SNX30: variants seen among roughly 807,000 people sequenced by gnomAD.
SNX30 encodes the protein sorting nexin-30.
SNX30 carries 24 observed loss-of-function variants against 46.4 expected under a neutral mutation model. The observed-to-expected ratio is 0.52, with a 90% CI of 0.37 to 0.73. The LOEUF is 0.73. SNX30 is among the 30% of genes least tolerant of loss of function. SNX30 has a pLI of 0.00. For missense variants in SNX30, 533 were observed against 555.7 expected, an observed-to-expected ratio of 0.96 and a Z score of 0.41; for synonymous variants, 189 against 211.5, an observed-to-expected ratio of 0.89 and a Z score of 0.92.
downstream of SNX30, among the ~76,000 whole-genome samples, chr9:112,876,407 A>G (rs1247825063): frequency 2.0e-5 from 3 of 150,354 alleles, no homozygotes. Context: ...TGAGCCCAAG[A>G]GTTAAAGACC....
intron 1 of SNX30, among the ~76,000 whole-genome samples, chr9:112,792,751 A>G (rs4979154): frequency 0.94 from 143,399 of 152,314 alleles, 67,609 homozygotes; most frequent in East Asian, 1. Context: ...TATATTGTTC[A>G]GATTTCCTAA....
At chr9:112,848,678 C>T (rs1408596242) in intron 6 of SNX30, among the ~76,000 whole-genome samples, 1 of 152,224 alleles carries the variant, frequency 6.6e-6, no homozygotes, top group Non-Finnish European at 1.5e-5. Flanking sequence ...AGTCAGCCTG[C>T]GCCAGAGGGC....
intron 5 of SNX30, among the ~76,000 whole-genome samples, chr9:112,837,769 C>T (rs1840782242): frequency 6.6e-6 from 1 of 150,476 alleles, no homozygotes; most frequent in Non-Finnish European, 1.5e-5. Flanking sequence ...GCCACCGTGC[C>T]TGGCCCCTGA....
intron 1 of SNX30, among the ~76,000 whole-genome samples, chr9:112,753,446 T>C (rs1447485033): frequency 6.6e-6 from 1 of 152,236 alleles, no homozygotes; most frequent in East Asian, 1.9e-4. Flanking sequence ...CGCAGTGGCC[T>C]GATCCTGACT....
intron 1 of SNX30, among the ~76,000 whole-genome samples, chr9:112,785,209 T>G (rs1839903256): frequency 6.6e-6 from 1 of 152,120 alleles, no homozygotes; most frequent in Admixed American, 6.6e-5. Flanking sequence ...TGTATCTATA[T>G]TTTGGGAATG....
Position 112,864,358 on chromosome 9 carries a change from C to CTCATGGGGA in SNX30, c.1215_1223dup (p.Gly407_Met408insIleMetGly). ...CAAGAGGCAGGACTTCCGGCAGCTACTCATGGGGATGGCTGACAAGAACAT... is the reference window on the plus strand; with the variant it reads ...CAAGAGGCAGGACTTCCGGCAGCTACTCATGGGGATCATGGGGATGGCTGACAAGAACAT... On this transcript the variant is annotated inframe_insertion, in exon 8 of 9. Coordinates refer to ENST00000374232, the MANE Select transcript of SNX30 (RefSeq NM_001012994.2). The CTCATGGGGA allele has an allele frequency of 6.2e-7, 1 of 1,614,222 alleles. No homozygotes were observed. The highest frequency in any genetic ancestry group is 1.6e-4 in the Middle Eastern group (1 of 6,062).
intron 1 of SNX30, among the ~76,000 whole-genome samples, chr9:112,790,092 G>C (rs62576395): frequency 0.068 from 10,375 of 152,216 alleles, 456 homozygotes; most frequent in Non-Finnish European, 0.099. Context: ...GAATATTTGA[G>C]ATGGGAATTC....
In SNX30 at chr9:112,874,645, G is replaced by C. The variant is rs1841495573; in HGVS notation, c.*5802G>C. 6.6e-6 allele frequency: 1 copy of C among 152,176 alleles called. No homozygotes were observed. The highest frequency in any genetic ancestry group is 1.5e-5 in the Non-Finnish European group (1 of 68,034). 9.4% of individuals were successfully genotyped at this position (152,176 alleles called of 1,614,324 possible). On this transcript the variant is annotated 3_prime_UTR_variant, in exon 9 of 9. Coordinates refer to ENST00000374232, the MANE Select transcript of SNX30 (RefSeq NM_001012994.2). ...AAAAAAGTGCTTGAGAGAGTGTGTT[G>C]ATAAGAAAGTGATTTATTTACAGAT...
At chr9:112,844,452 G>GGA (rs1170697940) in intron 6 of SNX30, among the ~76,000 whole-genome samples, 1 of 152,164 alleles carries the variant, frequency 6.6e-6, no homozygotes, top group Non-Finnish European at 1.5e-5. Context: ...TGAGACCGAT[G>GGA]GAGATTGTAT....
chr9:112,761,714 C>G (rs1018932066), intron 1 of SNX30, among the ~76,000 whole-genome samples: 5 of 151,976 alleles, frequency 3.3e-5, no homozygotes, highest in Admixed American at 1.3e-4. Context: ...AGCACATGTG[C>G]GAGTGAAGTG....
At chr9:112,750,635 C>T (rs1839248466), upstream of SNX30, among the ~76,000 whole-genome samples, 1 of 151,716 alleles carries the variant, frequency 6.6e-6, no homozygotes, top group South Asian at 2.1e-4. Context: ...CTCCTCCCTC[C>T]CTCCCTCCGT....
chr9:112,753,602 C>T (rs1016773095), intron 1 of SNX30, among the ~76,000 whole-genome samples: 4 of 152,174 alleles, frequency 2.6e-5, no homozygotes, highest in Non-Finnish European at 5.9e-5. Flanking sequence ...AGGCTAGTCT[C>T]GAACTCCTGG....
At chr9:112,825,440 G>A (rs996787629) in intron 3 of SNX30, among the ~76,000 whole-genome samples, 2 of 151,904 alleles carry the variant, frequency 1.3e-5, no homozygotes, top group Non-Finnish European at 2.9e-5. Flanking sequence ...GACTTCAGGC[G>A]TGCACCACCA....
chr9:112,870,441 G>A lies in SNX30; in HGVS notation c.*1598G>A, dbSNP rs1441648420. ...AGGCTGTGGTGCTGTTGATGCCGCA[G>A]TTGGACAGCATAGGACGGCTTGGTT... On this transcript the variant is annotated 3_prime_UTR_variant, in exon 9 of 9. Coordinates refer to ENST00000374232, the MANE Select transcript of SNX30 (RefSeq NM_001012994.2). 1 of 152,244 alleles carries A rather than the reference G, an allele frequency of 6.6e-6. No homozygotes were observed. Among genetic ancestry groups the A allele is most frequent in the Admixed American group, 6.5e-5 (1 of 15,290 alleles). 9.4% of individuals were successfully genotyped at this position (152,244 alleles called of 1,614,324 possible).
chr9:112,762,902 AG>A (rs1476056721), intron 1 of SNX30, among the ~76,000 whole-genome samples: 2 of 152,230 alleles, frequency 1.3e-5, no homozygotes, highest in Non-Finnish European at 2.9e-5. Context: ...TTCCCACTCC[AG>A]GTGAGGAAGC....
rs572116675 is a variant in SNX30, at chr9:112,797,771, A to G, written c.157-7005A>G. Among the ~76,000 whole-genome samples the G allele has an allele frequency of 2.3e-3, 315 of 138,484 alleles. 1 individual carries two copies. The highest frequency in any genetic ancestry group is 3.9e-3 in the Middle Eastern group (1 of 254). 90.9% of individuals were successfully genotyped at this position (138,484 alleles called of 152,430 possible). The stretch of plus-strand genomic sequence containing the variant: ...GTCGCCCAGACTGGAGTGCAGTGGC[A>G]TGATCCCGGCTCACTGCAACCTCTG... On this transcript the variant is annotated intron_variant, in intron 1 of 8. Transcript: ENST00000374232.
chr9:112,868,908 C>G lies in SNX30; in HGVS notation c.*65C>G. Reference sequence around the variant, plus strand: ...GCCTGGCACCCTATACCGGAATGTCCCTGCAGTGCCAGAGACGCAGTGCTG... The same window carrying G: ...GCCTGGCACCCTATACCGGAATGTCGCTGCAGTGCCAGAGACGCAGTGCTG... On this transcript the variant is annotated 3_prime_UTR_variant, in exon 9 of 9. Transcript: ENST00000374232. The G allele has an allele frequency of 6.7e-7, 1 of 1,484,556 alleles. No homozygotes were observed. Among genetic ancestry groups the G allele is most frequent in the African/African-American group, 1.4e-5 (1 of 72,458 alleles). 92.0% of individuals were successfully genotyped at this position (1,484,556 alleles called of 1,614,324 possible). A position where few individuals can be genotyped will look rare whatever the true frequency, so the allele number is the denominator to read the frequency against.
At chr9:112,771,488 G>A (rs1839648482) in intron 1 of SNX30, among the ~76,000 whole-genome samples, 1 of 152,198 alleles carries the variant, frequency 6.6e-6, no homozygotes, top group Non-Finnish European at 1.5e-5. Context: ...TGTCTTGCGT[G>A]TGTGTGAAAG....
Position 112,764,871 on chromosome 9 carries a change from G to A in SNX30, c.156+13714G>A, listed in dbSNP as rs117546948. On this transcript the variant is annotated intron_variant, in intron 1 of 8. Coordinates refer to ENST00000374232, the MANE Select transcript of SNX30 (RefSeq NM_001012994.2). ...AGGGGTCTGAATGCTACTGAGGGTC[G>A]GCTTTATTCTCTCAGACTAACATCA... Among the ~76,000 whole-genome samples the A allele has an allele frequency of 2.6e-5, 4 of 152,298 alleles. No homozygotes were observed. In the East Asian group the frequency reaches 7.7e-4, roughly 29 times the overall value.
Sources: gnomAD v4.1 joint callset for allele counts (sites outside exome capture counted in the v4.1 genomes callset) on GRCh38, gnomAD v4.1.1 for gene constraint, MANE v1.5 for transcripts, NCBI Gene and HGNC (gene_info 2026-07-23, HGNC 2026-07-21) for gene names.